The following METTL23 variants were observed in gnomAD, a reference collection of about 807,000 sequenced individuals.
METTL23 encodes histone-arginine methyltransferase METTL23.
A neutral mutation model predicts 21.2 loss-of-function variants in METTL23; 24 were observed. The observed-to-expected ratio is 1.13, with a 90% CI of 0.82 to 1.59. The LOEUF (loss-of-function observed/expected upper bound fraction) is 1.59, where lower values mean the gene tolerates loss of function less well. Ranked by LOEUF, METTL23 falls within the 40% of genes most tolerant of loss-of-function variation. The pLI is 0.00. For synonymous variants in METTL23, 97 were observed against 75.2 expected (o/e 1.29, Z -1.50); for missense variants, 276 against 221.4 (o/e 1.25, Z -1.57).
chr17:76,732,747 A>G (rs1198386275), intron 2 of METTL23: 1 of 569,792 alleles, frequency 1.8e-6, no homozygotes, highest in Non-Finnish European at 3.1e-6. Flanking sequence ...ATGGCCCTTT[A>G]ATATTGAAAT....
Position 76,733,196 on chromosome 17 carries a change from T to G in METTL23, c.303T>G (p.Asp101Glu). ...CACAAGATATTATCCTTGCATCTGA[T>G]GTGTTCTTTGAACCAGAAGGTAAGC... is the stretch of plus-strand genomic sequence containing the variant. ...LPPQDIILAS[D>E]VFFEPEDFED... The change falls in exon 3 of 5, where the codon GAT becomes GAG. Residue 101 changes from aspartate (D) to glutamate (E), a missense_variant. By Grantham distance (45) the Asp-to-Glu change is conservative. Transcript: ENST00000341249. The G allele has an allele frequency of 6.2e-7, 1 of 1,613,860 alleles. No individual in the cohort carries two copies. Among genetic ancestry groups the G allele is most frequent in the Non-Finnish European group, 8.5e-7 (1 of 1,179,816 alleles).
intron 2 of METTL23, among the ~76,000 whole-genome samples, chr17:76,730,662 C>G (rs1461961040): frequency 9.9e-5 from 15 of 152,226 alleles, no homozygotes; most frequent in Admixed American, 8.5e-4. Flanking sequence ...GGGTGGCTTA[C>G]AAATAACAGA....
rs2076956076 is a variant in METTL23, at chr17:76,726,840, C to T, written c.-360C>T. ...TCCCGCGCTGCCGCTGTGCCCATCA[C>T]TTCCGGTCGCGCCAGCCGCCCGTTG... On this transcript the variant is annotated 5_prime_UTR_variant, in exon 1 of 5. Transcript: ENST00000341249. 6.9e-6 allele frequency: 3 copies of T among 436,134 alleles called. No individual in the cohort carries two copies. The highest frequency in any genetic ancestry group is 4.0e-5 in the African/African-American group (2 of 49,852). The allele number at this position is 436,134 out of a possible 1,614,324, so 27.0% of individuals were successfully genotyped here.
In METTL23 at chr17:76,733,172, A is replaced by C. The variant is rs550073727; in HGVS notation, c.279A>C (p.Pro93=). 12 of 1,613,836 alleles carry C rather than the reference A, an allele frequency of 7.4e-6. No individual in the cohort carries two copies. Among genetic ancestry groups the C allele is most frequent in the Non-Finnish European group, 1.0e-5 (12 of 1,179,868 alleles). The change falls in exon 3 of 5, where the codon CCA becomes CCC. Residue 93 remains proline (P), a synonymous_variant. Coordinates refer to ENST00000341249, the MANE Select transcript of METTL23 (RefSeq NM_001080510.5). The part of the protein sequence containing the change: ...HISWDLLALP[P]QDIILASDVF... The stretch of plus-strand genomic sequence containing the variant: ...CTTGGGATCTTCTGGCTCTACCACC[A>C]CAAGATATTATCCTTGCATCTGATG...
chr17:76,727,229 C>T (rs1015928453), intron 1 of METTL23, 51 bp downstream of exon 1: 6 of 357,590 alleles, frequency 1.7e-5, no homozygotes, highest in South Asian at 1.0e-4. Flanking sequence ...GAGCGGATGT[C>T]GGCTGACTTG....
At chr17:76,728,437 G>A (rs1171448621) in intron 1 of METTL23, among the ~76,000 whole-genome samples, 147 of 40,600 alleles carry the variant, frequency 3.6e-3, no homozygotes, top group Admixed American at 6.8e-3. Context: ...TTTGGAGATG[G>A]AGTCTCGCTC....
At position 76,733,823 on chromosome 17, in the gene METTL23, T is replaced by C. The variant is rs1294979460; in HGVS notation, c.*137T>C. On this transcript the variant is annotated 3_prime_UTR_variant, in exon 5 of 5. Transcript: ENST00000341249. ...AGTCTGTTTGCCTTAGATTTTGATGTCACCTAGACAACACTTAAACTCATA... is the reference window on the plus strand; with the variant it reads ...AGTCTGTTTGCCTTAGATTTTGATGCCACCTAGACAACACTTAAACTCATA... 1 of 663,528 alleles carries C rather than the reference T, an allele frequency of 1.5e-6. No individual in the cohort carries two copies. Among genetic ancestry groups the C allele is most frequent in the East Asian group, 2.8e-5 (1 of 35,632 alleles). The allele number at this position is 663,528 out of a possible 1,614,324, so 41.1% of individuals were successfully genotyped here.
Position 76,733,761 on chromosome 17 carries a change from C to T in METTL23, c.*75C>T, listed in dbSNP as rs2077354663. The T allele has an allele frequency of 1.5e-6, 2 of 1,361,060 alleles. No individual in the cohort carries two copies. The highest frequency in any genetic ancestry group is 2.0e-6 in the Non-Finnish European group (2 of 1,001,580). 84.3% of individuals were successfully genotyped at this position (1,361,060 alleles called of 1,614,324 possible). On this transcript the variant is annotated 3_prime_UTR_variant, in exon 5 of 5. Coordinates refer to ENST00000341249, the MANE Select transcript of METTL23 (RefSeq NM_001080510.5). ...TGGCACACAAACTATGAGCAGACCA[C>T]TTCAGCTTGAGAATGCAGTGGGTCT... is the stretch of plus-strand genomic sequence containing the variant.
chr17:76,733,753 G>A lies in METTL23; in HGVS notation c.*67G>A. On this transcript the variant is annotated 3_prime_UTR_variant, in exon 5 of 5. Transcript: ENST00000341249. Reference sequence around the variant, plus strand: ...GAGCAACCTGGCACACAAACTATGAGCAGACCACTTCAGCTTGAGAATGCA... The same window carrying A: ...GAGCAACCTGGCACACAAACTATGAACAGACCACTTCAGCTTGAGAATGCA... The A allele has an allele frequency of 7.0e-7, 1 of 1,421,066 alleles. No individual in the cohort carries two copies. The allele number at this position is 1,421,066 out of a possible 1,614,324, so 88.0% of individuals were successfully genotyped here.
chr17:76,731,093 C>T (rs1281122705), intron 2 of METTL23, among the ~76,000 whole-genome samples: 8 of 149,894 alleles, frequency 5.3e-5, no homozygotes, highest in Non-Finnish European at 8.9e-5. Flanking sequence ...GGCGACAGAG[C>T]GAGACTCCAT....
In METTL23 at chr17:76,733,018, A is replaced by T. The variant is rs766240194; in HGVS notation, c.125A>T (p.Lys42Ile). 2 of 1,593,410 alleles carry T rather than the reference A, an allele frequency of 1.3e-6. No individual in the cohort carries two copies. The highest frequency in any genetic ancestry group is 8.6e-7 in the Non-Finnish European group (1 of 1,168,926). ...GVSLPGILAA[K>I]CGAEVILSDS... is the part of the protein sequence containing the mutation. ...AGCCTTCCAGGAATTTTGGCTGCCAAATGTGGTGCAGAAGTAATACTGTCA... is the reference window on the plus strand; with the variant it reads ...AGCCTTCCAGGAATTTTGGCTGCCATATGTGGTGCAGAAGTAATACTGTCA... The change falls in exon 3 of 5, where the codon AAA becomes ATA. Residue 42 changes from lysine (K) to isoleucine (I), a missense_variant. Coordinates refer to ENST00000341249, the MANE Select transcript of METTL23 (RefSeq NM_001080510.5).
intron 2 of METTL23, among the ~76,000 whole-genome samples, chr17:76,732,408 G>GGAC (rs976770788): frequency 6.6e-6 from 1 of 152,070 alleles, no homozygotes; most frequent in African/African-American, 2.4e-5. Context: ...GGCTGAGGCA[G>GGAC]AATTGCTTGA....
At chr17:76,726,359 C>G (rs773108605), upstream of METTL23, 2 of 1,590,530 alleles carry the variant, frequency 1.3e-6, no homozygotes, top group African/African-American at 1.4e-5. Flanking sequence ...CCACGGCCGC[C>G]GGGCTCAGCG....
At chr17:76,726,814 C>G (rs1271106354), upstream of METTL23, 1 of 400,998 alleles carries the variant, frequency 2.5e-6, no homozygotes, top group African/African-American at 2.1e-5. Flanking sequence ...CGCCCCTCCC[C>G]TCCCGCGCTG....
At chr17:76,727,564 C>G (rs1291625021) in intron 1 of METTL23, among the ~76,000 whole-genome samples, 1 of 152,228 alleles carries the variant, frequency 6.6e-6, no homozygotes, top group Non-Finnish European at 1.5e-5. Flanking sequence ...TCTAATGCTT[C>G]TTTTGATCTT....
chr17:76,727,905 A>T (rs941144977), intron 1 of METTL23, among the ~76,000 whole-genome samples: 1 of 152,078 alleles, frequency 6.6e-6, no homozygotes, highest in Non-Finnish European at 1.5e-5. Context: ...TCGGTTTTTC[A>T]AAGCACTTTC....
intron 2 of METTL23, 154 bp from the exon 3 acceptor site, chr17:76,732,824 G>C (rs1220438499): frequency 9.2e-6 from 6 of 650,784 alleles, no homozygotes; most frequent in Non-Finnish European, 1.6e-5. Context: ...CATGTTTATA[G>C]TAATGTTCAG....
intron 2 of METTL23, among the ~76,000 whole-genome samples, chr17:76,732,290 G>A (rs1286127127): frequency 1.3e-5 from 2 of 151,900 alleles, no homozygotes; most frequent in Admixed American, 6.6e-5. Context: ...ATCACCTGTC[G>A]GGAGTTCAAG....
chr17:76,726,267 C>G (rs967404356), upstream of METTL23: 18 of 1,469,742 alleles, frequency 1.2e-5, no homozygotes, highest in African/African-American at 3.0e-5. Context: ...GGGGCGAGGG[C>G]AGCCTCGGGC....
Sources: gnomAD v4.1 joint callset for allele counts (sites outside exome capture counted in the v4.1 genomes callset) on GRCh38, gnomAD v4.1.1 for gene constraint, MANE v1.5 for transcripts, NCBI Gene and HGNC (gene_info 2026-07-23, HGNC 2026-07-21) for gene names.